The following NRXN2 variants were observed in gnomAD, a reference collection of about 807,000 sequenced individuals.
The protein encoded by NRXN2 is neurexin 2, also known as neurexin-2-beta.
NRXN2 carries 29 observed loss-of-function variants against 128.8 expected under a neutral mutation model. The observed-to-expected ratio is 0.23, with a 90% confidence interval of 0.17 to 0.31. NRXN2 has a LOEUF of 0.31. Among genes scored for constraint, NRXN2 ranks in the 10% least tolerant of loss-of-function variants. The pLI is 1.00. For missense variants in NRXN2, 1,881 were observed against 2,452.6 expected, an observed-to-expected ratio of 0.77 and a Z score of 4.92; for synonymous variants, 1,098 against 1,075.2, an observed-to-expected ratio of 1.02 and a Z score of -0.41.
chr11:64,666,902 A>G (rs1390839589), intron 9 of NRXN2, among the ~76,000 whole-genome samples: 1 of 151,924 alleles, frequency 6.6e-6, no homozygotes, highest in East Asian at 1.9e-4. Context: ...TATCTACTCT[A>G]TGTTGGCCAC....
At chr11:64,626,698 CCT>C (rs2043110131) in intron 19 of NRXN2, 146 bp from the exon 20 acceptor site, 2 of 731,772 alleles carry the variant, frequency 2.7e-6, no homozygotes, top group Non-Finnish European at 2.5e-6. Flanking sequence ...ACGCTGGGCC[CCT>C]CTTTTCCCTT....
intron 12 of NRXN2, 139 bp from the exon 13 acceptor site, chr11:64,652,293 T>G (rs1310299703): frequency 1.8e-6 from 2 of 1,117,528 alleles, no homozygotes; most frequent in Non-Finnish European, 2.6e-6. Flanking sequence ...TGGCTCATAT[T>G]TGGCCACGCA....
At position 64,622,912 on chromosome 11, in the gene NRXN2, G is replaced by T. The variant is rs1258072851; in HGVS notation, c.4014C>A (p.Arg1338=). The change falls in exon 21 of 23, where the codon CGC becomes CGA. Residue 1338 remains arginine, a synonymous_variant. Transcript: ENST00000265459. This position sits in a 1 kb window ranked among gnomAD's most constrained non-coding sequence, Gnocchi z 4.3. ...GCACGGACGGCCCCTCCCCCACCAG[G>T]CGCAGGTGACCCTCAGTCCGCACAT... is the stretch of plus-strand genomic sequence containing the variant. ...DPNVRTEGHL[R]LVGEGPSVLL... The T allele has an allele frequency of 6.2e-7, 1 of 1,613,274 alleles. No individual in the cohort carries two copies.
At chr11:64,721,242 C>G (rs967812682) in intron 1 of NRXN2, among the ~76,000 whole-genome samples, 7 of 151,860 alleles carry the variant, frequency 4.6e-5, no homozygotes, top group African/African-American at 1.7e-4. Context: ...GAGGGAGCAG[C>G]TGGACCTGGG....
At chr11:64,663,277 G>A (rs2049315345) in intron 9 of NRXN2, among the ~76,000 whole-genome samples, 1 of 151,470 alleles carries the variant, frequency 6.6e-6, no homozygotes, top group African/African-American at 2.4e-5. Context: ...TGAGGCAAAA[G>A]AATCGCTTAA....
chr11:64,661,071 C>T lies in NRXN2; in HGVS notation c.1867G>A (p.Glu623Lys), dbSNP rs757280502. The T allele has an allele frequency of 5.6e-6, 9 of 1,613,444 alleles. No homozygotes were observed. Among genetic ancestry groups the T allele is most frequent in the Non-Finnish European group, 7.6e-6 (9 of 1,180,036 alleles). ...ATGDSEILDL[E>K]SELYLGGLPE... The stretch of plus-strand genomic sequence containing the variant: ...AGACCGCCCAGGTACAGCTCACTCT[C>T]CAGGTCCAGAATCTCGCTGTCTCCA... Residue 623 changes from glutamate (E) to lysine (K), a missense_variant, in exon 10 of 23, where the codon GAG becomes AAG. Around this residue, in one of 7 missense-constraint regions of NRXN2, gnomAD observed 997 missense variants for 1,240.8 expected, o/e 0.80. Transcript: ENST00000265459.
At position 64,667,760 on chromosome 11, in the gene NRXN2, G is replaced by T; in HGVS notation, c.1360-72C>A. On this transcript the variant is annotated intron_variant, in intron 8 of 22. Transcript: ENST00000265459. The surrounding 1 kb of genome is among the most constrained non-coding windows in gnomAD (Gnocchi z 5.6). ...AGGGCCTGGCCACTCCCACCCAGCA[G>T]CGAGCACCAGGGGACCCAGCCACCC... 2 of 1,489,384 alleles carry T rather than the reference G, an allele frequency of 1.3e-6. No individual in the cohort carries two copies. Among genetic ancestry groups the T allele is most frequent in the Non-Finnish European group, 1.9e-6 (2 of 1,079,804 alleles). The allele number at this position is 1,489,384 out of a possible 1,614,324, so 92.3% of individuals were successfully genotyped here.
chr11:64,627,870 C>A (rs2043299810), intron 19 of NRXN2, among the ~76,000 whole-genome samples: 1 of 152,160 alleles, frequency 6.6e-6, no homozygotes, highest in Non-Finnish European at 1.5e-5. Context: ...TCTCTCACTG[C>A]ACAGCTGTGC....
chr11:64,712,770 C>A, intron 2 of NRXN2, 200 bp downstream of exon 2: 1 of 680,884 alleles, frequency 1.5e-6, no homozygotes, highest in South Asian at 1.5e-5. Flanking sequence ...CGGCCCCGCC[C>A]ACTCGCCCCG....
chr11:64,655,209 C>T (rs1170099181), intron 11 of NRXN2, among the ~76,000 whole-genome samples: 1 of 152,182 alleles, frequency 6.6e-6, no homozygotes, highest in African/African-American at 2.4e-5. Context: ...GAGCTCCACA[C>T]GCGTTGTCAA....
At position 64,650,418 on chromosome 11, in the gene NRXN2, C is replaced by T. The variant is rs1430427219; in HGVS notation, c.3109+30G>A. ...GGGGTGAGGGGTATCTGGGCTAGGGCCAGGCCTTCTCCAGAGGCCCCAGCC... is the reference window on the plus strand; with the variant it reads ...GGGGTGAGGGGTATCTGGGCTAGGGTCAGGCCTTCTCCAGAGGCCCCAGCC... On this transcript the variant is annotated intron_variant, in intron 15 of 22. Coordinates refer to ENST00000265459, the MANE Select transcript of NRXN2 (RefSeq NM_015080.4). 6 of 1,612,852 alleles carry T rather than the reference C, an allele frequency of 3.7e-6. No individual in the cohort carries two copies. The Admixed American group carries it at 8.3e-5, about 22-fold the overall frequency.
intron 17 of NRXN2, chr11:64,642,486 G>T: frequency 6.4e-7 from 1 of 1,559,236 alleles, no homozygotes; most frequent in South Asian, 1.2e-5. Flanking sequence ...CACACGGGAA[G>T]CGCCCCCCGC....
At chr11:64,614,323 G>C (rs1354412147) in intron 22 of NRXN2, among the ~76,000 whole-genome samples, 1 of 152,204 alleles carries the variant, frequency 6.6e-6, no homozygotes, top group Non-Finnish European at 1.5e-5. Flanking sequence ...GAGGCATGGG[G>C]GCAGAGCAAC....
chr11:64,647,867 C>A (rs1167934973), intron 17 of NRXN2, among the ~76,000 whole-genome samples: 2 of 152,190 alleles, frequency 1.3e-5, no homozygotes, highest in South Asian at 4.1e-4. Flanking sequence ...ACATGTAAGG[C>A]CATCACCAAA....
chr11:64,695,431 G>A (rs1327608866), intron 3 of NRXN2, among the ~76,000 whole-genome samples: 1 of 152,098 alleles, frequency 6.6e-6, no homozygotes, highest in Non-Finnish European at 1.5e-5. Flanking sequence ...ACAGTGTCAA[G>A]TGGGAAGAAG....
At chr11:64,673,233 G>T (rs551441664) in intron 7 of NRXN2, among the ~76,000 whole-genome samples, 1 of 152,186 alleles carries the variant, frequency 6.6e-6, no homozygotes, top group Non-Finnish European at 1.5e-5. Flanking sequence ...AAGAGTCCCA[G>T]TGTGTGTACA....
At chr11:64,686,419 G>A (rs1592112263) in intron 5 of NRXN2, among the ~76,000 whole-genome samples, 1 of 152,174 alleles carries the variant, frequency 6.6e-6, no homozygotes, top group East Asian at 1.9e-4. Flanking sequence ...CCCTCCTCCA[G>A]CGATGGCCAA....
At chr11:64,666,584 G>A (rs572072502) in intron 9 of NRXN2, among the ~76,000 whole-genome samples, 232 of 151,296 alleles carry the variant, frequency 1.5e-3, no homozygotes, top group African/African-American at 5.6e-3. Flanking sequence ...TTTTCTCTGA[G>A]ACAGAGTCTC....
intron 3 of NRXN2, among the ~76,000 whole-genome samples, chr11:64,694,895 G>C (rs2054289096): frequency 1.3e-5 from 2 of 151,994 alleles, no homozygotes. Context: ...CCCACCCTCT[G>C]TCTCCCACAG....
Sources: allele counts gnomAD v4.1 joint callset (sites outside exome capture counted in the v4.1 genomes callset), GRCh38; gene constraint gnomAD v4.1.1; regional missense constraint gnomAD v4.1.1; non-coding constraint Gnocchi (gnomAD v3.1); transcripts MANE v1.5; gene names NCBI Gene and HGNC (gene_info 2026-07-23, HGNC 2026-07-21).